Variants in HDHD2 observed in about 807,000 individuals in gnomAD.
HDHD2 encodes haloacid dehalogenase-like hydrolase domain-containing protein 2.
In HDHD2, 26 loss-of-function variants were observed where a neutral mutation model predicts 24.8. That is an observed-to-expected ratio of 1.05 (90% confidence interval 0.77 to 1.45). The LOEUF is 1.45. Ranked by LOEUF, HDHD2 falls within the 40% of genes most tolerant of loss-of-function variation. The pLI is 0.00. For synonymous variants in HDHD2, 128 were observed against 114.9 expected, an observed-to-expected ratio of 1.11 and a Z score of -0.73; for missense variants, 299 against 313.4, an observed-to-expected ratio of 0.95 and a Z score of 0.35.
intron 1 of HDHD2, among the ~76,000 whole-genome samples, chr18:47,136,660 A>C (rs1464907973): frequency 6.6e-6 from 1 of 152,076 alleles, no homozygotes; most frequent in African/African-American, 2.4e-5. Context: ...TTAAAAAAAA[A>C]AAACACTTGA....
intron 5 of HDHD2, among the ~76,000 whole-genome samples, chr18:47,113,435 T>C (rs1031250338): frequency 2.6e-5 from 4 of 152,234 alleles, no homozygotes; most frequent in African/African-American, 7.2e-5. Context: ...ATTCAGAAGA[T>C]AGCTTTTCTG....
intron 4 of HDHD2, among the ~76,000 whole-genome samples, chr18:47,123,160 C>CA (rs1469374373): frequency 6.6e-6 from 1 of 151,992 alleles, no homozygotes; most frequent in Non-Finnish European, 1.5e-5. Flanking sequence ...AAATGCAATC[C>CA]AAAAGATTCT....
chr18:47,127,823 A>T (rs2063674515), intron 4 of HDHD2, among the ~76,000 whole-genome samples: 1 of 152,232 alleles, frequency 6.6e-6, no homozygotes, highest in Non-Finnish European at 1.5e-5. Context: ...CACTAAAAAC[A>T]CAGTAAATAA....
At chr18:47,121,330 A>G (rs907424793) in intron 4 of HDHD2, among the ~76,000 whole-genome samples, 45 of 152,016 alleles carry the variant, frequency 3.0e-4, no homozygotes, top group Non-Finnish European at 2.9e-5. Flanking sequence ...TTCTTTCCCA[A>G]TCTTTCCCAT....
rs2063487349 is a variant in HDHD2 at position 47,107,945 on chromosome 18, G to T, written c.*737C>A. On this transcript the variant is annotated 3_prime_UTR_variant, in exon 7 of 7. Coordinates refer to ENST00000300605, the MANE Select transcript of HDHD2 (RefSeq NM_032124.5). ...CTAATTAAAACATCTGTAAAATACT[G>T]ATAGTTTTAATTTTACATAAAATTT... The T allele has an allele frequency of 6.6e-6, 1 of 152,556 alleles. No individual in the cohort carries two copies. Among genetic ancestry groups the T allele is most frequent in the Non-Finnish European group, 1.5e-5 (1 of 68,034 alleles). The allele number at this position is 152,556 out of a possible 1,614,324, so 9.5% of individuals were successfully genotyped here.
intron 1 of HDHD2, among the ~76,000 whole-genome samples, chr18:47,146,143 C>T (rs1008482748): frequency 2.7e-5 from 4 of 150,556 alleles, no homozygotes; most frequent in South Asian, 2.1e-4. Flanking sequence ...GAAGGAGAAT[C>T]GCTTAAACCT....
intron 1 of HDHD2, among the ~76,000 whole-genome samples, chr18:47,145,347 C>A (rs142771073): frequency 6.6e-6 from 1 of 152,276 alleles, no homozygotes; most frequent in East Asian, 1.9e-4. Flanking sequence ...AGAAAGTAGG[C>A]GTTGCTTTAC....
intron 1 of HDHD2, among the ~76,000 whole-genome samples, chr18:47,136,650 T>TA (rs555799145): frequency 0.014 from 2,017 of 148,000 alleles, 34 homozygotes; most frequent in African/African-American, 0.042. Flanking sequence ...AGGTTTTTTT[T>TA]TAAAAAAAAA....
intron 4 of HDHD2, among the ~76,000 whole-genome samples, chr18:47,124,566 C>T (rs570713713): frequency 4.6e-5 from 7 of 151,778 alleles, no homozygotes; most frequent in Admixed American, 2.0e-4. Flanking sequence ...ATTAGCCAGG[C>T]GTGGTGGTGC....
intron 5 of HDHD2, among the ~76,000 whole-genome samples, chr18:47,114,916 C>T (rs967717177): frequency 2.0e-4 from 30 of 151,700 alleles, no homozygotes; most frequent in Non-Finnish European, 4.1e-4. Context: ...TCTCCTATTA[C>T]GCTATGGAGA....
At chr18:47,126,854 T>A (rs1445668040) in intron 4 of HDHD2, among the ~76,000 whole-genome samples, 1 of 152,194 alleles carries the variant, frequency 6.6e-6, no homozygotes, top group Non-Finnish European at 1.5e-5. Flanking sequence ...AGGAGTTTTT[T>A]AAAATGAATT....
At chr18:47,144,107 G>C (rs2063844701) in intron 1 of HDHD2, among the ~76,000 whole-genome samples, 1 of 151,830 alleles carries the variant, frequency 6.6e-6, no homozygotes, top group African/African-American at 2.4e-5. Flanking sequence ...ATGTGTGTAA[G>C]CCACAAGGTG....
chr18:47,111,453 T>C, intron 6 of HDHD2: 1 of 984,238 alleles, frequency 1.0e-6, no homozygotes, highest in Non-Finnish European at 1.2e-6. Flanking sequence ...AAGGATTTCT[T>C]CAATAATGAG....
At chr18:47,136,587 G>T in intron 1 of HDHD2, 138 bp from the exon 2 acceptor site, 1 of 609,004 alleles carries the variant, frequency 1.6e-6, no homozygotes, top group South Asian at 4.0e-5. Flanking sequence ...GGAGAAAACT[G>T]GTTTTAAAAA....
chr18:47,139,643 G>T lies in HDHD2; in HGVS notation c.-10-3194C>A, dbSNP rs73954241. Among the ~76,000 whole-genome samples, 790 of 152,234 alleles carry T rather than the reference G, an allele frequency of 5.2e-3. 7 individuals are homozygous for T. Among genetic ancestry groups the T allele is most frequent in the African/African-American group, 0.018 (756 of 41,536 alleles). ...TTCCACAGGTCAGGACTCGTGACTG[G>T]TGTCTGAAAATGGAGGAGGCAGTCT... is the stretch of plus-strand genomic sequence containing the variant. On this transcript the variant is annotated intron_variant, in intron 1 of 6. Coordinates refer to ENST00000300605, the MANE Select transcript of HDHD2 (RefSeq NM_032124.5).
chr18:47,108,634 A>T lies in HDHD2; in HGVS notation c.*48T>A. On this transcript the variant is annotated 3_prime_UTR_variant, in exon 7 of 7. Transcript: ENST00000300605. ...ACTGAGTTGGTAAGGGATTCATTCC[A>T]GACAATAAGAAGCTGCATTTCAAGT... The T allele has an allele frequency of 3.0e-6, 3 of 1,014,378 alleles. No homozygotes were observed. The highest frequency in any genetic ancestry group is 3.1e-6 in the Non-Finnish European group (2 of 653,340). The allele number at this position is 1,014,378 out of a possible 1,614,324, so 62.8% of individuals were successfully genotyped here. A position where few individuals can be genotyped will look rare whatever the true frequency, so the allele number is the denominator to read the frequency against.
chr18:47,122,884 G>C (rs1030803936), intron 4 of HDHD2, among the ~76,000 whole-genome samples: 1 of 150,704 alleles, frequency 6.6e-6, no homozygotes, highest in Non-Finnish European at 1.5e-5. Flanking sequence ...GTTATAATCA[G>C]AATTTAAAAA....
rs1247780197 is a variant in HDHD2 at position 47,107,716 on chromosome 18, G to A, written c.*966C>T. The A allele has an allele frequency of 6.6e-6, 1 of 152,544 alleles. No individual in the cohort carries two copies. The allele number at this position is 152,544 out of a possible 1,614,324, so 9.4% of individuals were successfully genotyped here. ...CAAGACGAGATTTCATTTTACAGCT[G>A]TAGTAACCAAGTGCATAAAAGCTTG... On this transcript the variant is annotated 3_prime_UTR_variant, in exon 7 of 7. Transcript: ENST00000300605.
At chr18:47,110,860 T>C (rs925617883) in intron 6 of HDHD2, 1 of 985,154 alleles carries the variant, frequency 1.0e-6, no homozygotes, top group Non-Finnish European at 1.2e-6. Context: ...TTAGGACTAG[T>C]CAAAAATCTT....
Sources: gnomAD v4.1 joint callset for allele counts (sites outside exome capture counted in the v4.1 genomes callset) on GRCh38, gnomAD v4.1.1 for gene constraint, MANE v1.5 for transcripts, NCBI Gene and HGNC (gene_info 2026-07-23, HGNC 2026-07-21) for gene names.